Variants in NPAS3 observed in about 807,000 individuals in gnomAD.
The protein encoded by NPAS3 is neuronal PAS domain-containing protein 3.
In NPAS3, 14 loss-of-function variants were observed where a neutral mutation model predicts 73.1. The observed-to-expected ratio is 0.19, with a 90% confidence interval of 0.13 to 0.30. The LOEUF is 0.30. NPAS3 is among the 10% of genes least tolerant of loss of function. The probability of loss-of-function intolerance (pLI) is 1.00; values close to 1 mark genes in which losing one functional copy is unlikely to be tolerated. For synonymous variants in NPAS3, 620 were observed against 541.5 expected, an observed-to-expected ratio of 1.14 and a Z score of -2.01; for missense variants, 1,096 against 1,250.0, an observed-to-expected ratio of 0.88 and a Z score of 1.86.
chr14:33,453,758 T>C (rs2049905200), intron 4 of NPAS3, among the ~76,000 whole-genome samples: 1 of 152,222 alleles, frequency 6.6e-6, no homozygotes, highest in South Asian at 2.1e-4. Context: ...TAGAATAAAA[T>C]CATCCTCCTT....
At chr14:33,147,752 T>TATATAC (rs1462795580) in intron 2 of NPAS3, among the ~76,000 whole-genome samples, 50 of 144,408 alleles carry the variant, frequency 3.5e-4, no homozygotes, top group Non-Finnish European at 6.3e-4. Context: ...TATATATATA[T>TATATAC]ATACACACAA....
intron 3 of NPAS3, among the ~76,000 whole-genome samples, chr14:33,329,652 G>A (rs2043888846): frequency 1.3e-5 from 2 of 152,080 alleles, no homozygotes; most frequent in Admixed American, 1.3e-4. Context: ...GGGGCACGAT[G>A]GGGTAGGCAG....
intron 7 of NPAS3, among the ~76,000 whole-genome samples, chr14:33,767,369 G>A (rs898456012): frequency 2.0e-5 from 3 of 151,934 alleles, no homozygotes; most frequent in Admixed American, 1.3e-4. Context: ...CTTATCTTTC[G>A]GCAGGTTTCA....
At chr14:33,538,088 C>T (rs1340702479) in intron 4 of NPAS3, among the ~76,000 whole-genome samples, 1 of 152,172 alleles carries the variant, frequency 6.6e-6, no homozygotes, top group Non-Finnish European at 1.5e-5. Context: ...ATATATGAGT[C>T]CCTTTTGTGT....
chr14:33,051,296 A>AAAAG (rs771840433), intron 1 of NPAS3, among the ~76,000 whole-genome samples: 15 of 142,528 alleles, frequency 1.1e-4, no homozygotes, highest in African/African-American at 3.6e-4. Flanking sequence ...AAAAAAAAAA[A>AAAAG]AGAGAGACTA....
chr14:33,245,012 CTCTAGGCCTTGGT>C (rs757594745), intron 3 of NPAS3, among the ~76,000 whole-genome samples: 2 of 152,152 alleles, frequency 1.3e-5, no homozygotes, highest in Non-Finnish European at 2.9e-5. Context: ...AAAACCATAG[CTCTAGGCCTTGGT>C]TCCTCACCCT....
At chr14:33,063,273 TA>T (rs1289935957) in intron 2 of NPAS3, among the ~76,000 whole-genome samples, 1 of 152,288 alleles carries the variant, frequency 6.6e-6, no homozygotes, top group Admixed American at 6.5e-5. Context: ...AACATACATT[TA>T]AAAAAATCCT....
At chr14:33,603,485 C>T (rs916817647) in intron 5 of NPAS3, among the ~76,000 whole-genome samples, 1 of 152,068 alleles carries the variant, frequency 6.6e-6, no homozygotes, top group Non-Finnish European at 1.5e-5. Context: ...TCAAGAAGCT[C>T]AGTGAGCCCC....
At chr14:33,448,221 G>GT (rs2139354297) in intron 4 of NPAS3, among the ~76,000 whole-genome samples, 1 of 152,324 alleles carries the variant, frequency 6.6e-6, no homozygotes, top group East Asian at 1.9e-4. Context: ...ATTTGAATTT[G>GT]TGTAGGTTGT....
At chr14:33,310,058 A>C (rs1162588698) in intron 3 of NPAS3, among the ~76,000 whole-genome samples, 1 of 152,198 alleles carries the variant, frequency 6.6e-6, no homozygotes, top group African/African-American at 2.4e-5. Context: ...GTAGCCATAA[A>C]ATGTATAGAA....
intron 3 of NPAS3, among the ~76,000 whole-genome samples, chr14:33,358,421 G>A (rs1327188274): frequency 2.0e-5 from 3 of 151,924 alleles, no homozygotes; most frequent in Non-Finnish European, 1.5e-5. Flanking sequence ...CGGGCAGGAT[G>A]ATGCGCCTGG....
rs77506186 is a variant in NPAS3 at position 33,587,692 on chromosome 14, G to A, written c.558+27482G>A. ...AAAGCTCTGATTTCGGTGTATACCT[G>A]TAGTATACTATAGTGTATCTTCTCT... On this transcript the variant is annotated intron_variant, in intron 5 of 11. Transcript: ENST00000356141. Among the ~76,000 whole-genome samples, 2,017 of 152,260 alleles carry A rather than the reference G, an allele frequency of 0.013. 106 individuals carry two copies. In the East Asian group the frequency reaches 0.19, roughly 15 times the overall value.
intron 1 of NPAS3, among the ~76,000 whole-genome samples, chr14:32,985,473 A>G (rs1459288113): frequency 6.6e-6 from 1 of 152,232 alleles, no homozygotes; most frequent in Non-Finnish European, 1.5e-5. Context: ...TAGTGTTTCA[A>G]GAATTAATAT....
intron 9 of NPAS3, among the ~76,000 whole-genome samples, chr14:33,791,252 G>A (rs1018596936): frequency 1.3e-5 from 2 of 152,154 alleles, no homozygotes; most frequent in Non-Finnish European, 2.9e-5. Flanking sequence ...GTGGCTCCCC[G>A]ACTCCCCAAG....
chr14:33,135,661 T>G (rs1240068690), intron 2 of NPAS3, among the ~76,000 whole-genome samples: 2 of 152,182 alleles, frequency 1.3e-5, no homozygotes, highest in African/African-American at 2.4e-5. Context: ...GCAGTCTGAA[T>G]TTTTCAGTGG....
chr14:33,611,549 AT>A (rs1416338828), intron 5 of NPAS3, among the ~76,000 whole-genome samples: 1 of 144,138 alleles, frequency 6.9e-6, no homozygotes, highest in East Asian at 2.2e-4. Flanking sequence ...TCCAGAGCTT[AT>A]AATGCCCTCG....
chr14:33,153,512 G>C (rs980934676), intron 2 of NPAS3, among the ~76,000 whole-genome samples: 2 of 151,502 alleles, frequency 1.3e-5, no homozygotes, highest in African/African-American at 2.4e-5. Context: ...GGTTCTCAGA[G>C]TGCATATGAT....
At chr14:33,489,628 CA>C (rs1435755961) in intron 4 of NPAS3, among the ~76,000 whole-genome samples, 2 of 152,022 alleles carry the variant, frequency 1.3e-5, no homozygotes, top group Admixed American at 6.6e-5. Context: ...CTTTAAAAAC[CA>C]AAATTCCTTA....
At chr14:33,436,196 G>A (rs911715185) in intron 4 of NPAS3, among the ~76,000 whole-genome samples, 5 of 152,154 alleles carry the variant, frequency 3.3e-5, no homozygotes, top group Non-Finnish European at 5.9e-5. Context: ...CTCCTTTCTC[G>A]TGCATGTAAG....
Sources: allele counts gnomAD v4.1 joint callset (sites outside exome capture counted in the v4.1 genomes callset), GRCh38; gene constraint gnomAD v4.1.1; transcripts MANE v1.5; gene names NCBI Gene and HGNC (gene_info 2026-07-23, HGNC 2026-07-21).